Variants in DOCK9 observed in about 807,000 individuals in gnomAD.
DOCK9 encodes the protein dedicator of cytokinesis protein 9.
DOCK9 carries 89 observed loss-of-function variants against 263.3 expected under a neutral mutation model. The ratio of observed to expected loss-of-function variants is 0.34; its 90% CI spans 0.28 to 0.40. The LOEUF is 0.40. Ranked by LOEUF, DOCK9 falls within the 10% of genes least tolerant of loss-of-function variation. The probability of loss-of-function intolerance (pLI) is 1.00; values close to 1 mark genes in which losing one functional copy is unlikely to be tolerated. For missense variants in DOCK9, 2,140 were observed against 2,603.4 expected, an observed-to-expected ratio of 0.82 and a Z score of 3.87; for synonymous variants, 976 against 973.1, an observed-to-expected ratio of 1.00 and a Z score of -0.06.
intron 36 of DOCK9, 76 bp from the exon 37 acceptor site, chr13:98,848,715 A>G (rs758325459): frequency 1.1e-5 from 15 of 1,405,044 alleles, no homozygotes; most frequent in South Asian, 2.5e-5. Flanking sequence ...TCTGTTAACA[A>G]TAACAAATTC....
chr13:98,980,451 C>A (rs188115867), upstream of DOCK9, among the ~76,000 whole-genome samples: 1 of 152,220 alleles, frequency 6.6e-6, no homozygotes, highest in Admixed American at 6.5e-5. Context: ...AGTGTACACA[C>A]GCTTAACCAT....
At chr13:98,887,658 TAACTC>T (rs1282369411) in intron 18 of DOCK9, among the ~76,000 whole-genome samples, 1 of 131,876 alleles carries the variant, frequency 7.6e-6, no homozygotes, top group Non-Finnish European at 1.6e-5. Flanking sequence ...TAATAATACT[TAACTC>T]AAAAGACTAC....
At chr13:98,865,649 TCACTACACAGC>T (rs2094000282) in intron 30 of DOCK9, among the ~76,000 whole-genome samples, 1 of 152,170 alleles carries the variant, frequency 6.6e-6, no homozygotes, top group African/African-American at 2.4e-5. Flanking sequence ...CAGCACACAT[TCACTACACAGC>T]CACTGGGCAA....
At chr13:99,019,246 T>A (rs375924974) in intron 1 of DOCK9, among the ~76,000 whole-genome samples, 2 of 152,162 alleles carry the variant, frequency 1.3e-5, no homozygotes, top group African/African-American at 4.8e-5. Context: ...TATGGGGTCA[T>A]TGCTAGCGGG....
At chr13:98,985,087 TG>T (rs1309975108) in intron 1 of DOCK9, among the ~76,000 whole-genome samples, 6 of 3,642 alleles carry the variant, frequency 1.6e-3, no homozygotes, top group Admixed American at 2.9e-3. Context: ...GGTGGGCAGT[TG>T]GGGGGGTGGG....
intron 34 of DOCK9, among the ~76,000 whole-genome samples, chr13:98,855,471 C>G (rs565802003): frequency 3.3e-5 from 5 of 152,140 alleles, no homozygotes; most frequent in Non-Finnish European, 5.9e-5. Context: ...GCTGGGGAGG[C>G]TGAGGCAGAG....
chr13:98,842,042 A>G (rs1322848469), intron 38 of DOCK9, among the ~76,000 whole-genome samples: 1 of 152,226 alleles, frequency 6.6e-6, no homozygotes, highest in African/African-American at 2.4e-5. Context: ...ACTTTTGGAA[A>G]ATATTTTAAC....
intron 2 of DOCK9, among the ~76,000 whole-genome samples, chr13:98,938,526 G>T (rs2055279039): frequency 6.6e-6 from 1 of 152,022 alleles, no homozygotes; most frequent in Admixed American, 6.5e-5. Context: ...CCAGAAAAAA[G>T]AAAAAAGATG....
At chr13:99,008,208 CTCTCTATATA>C (rs1399298514) in intron 1 of DOCK9, among the ~76,000 whole-genome samples, 6 of 72,774 alleles carry the variant, frequency 8.2e-5, no homozygotes, top group African/African-American at 1.8e-4. Context: ...CTCTCTCTCT[CTCTCTATATA>C]TATATATATA....
At chr13:98,932,229 T>C (rs1595436057) in intron 2 of DOCK9, among the ~76,000 whole-genome samples, 1 of 151,798 alleles carries the variant, frequency 6.6e-6, no homozygotes, top group African/African-American at 2.4e-5. Flanking sequence ...CCCGTCTCTA[T>C]TAAAAATACA....
chr13:98,930,314 C>T, intron 2 of DOCK9, 57 bp from the exon 3 acceptor site: 1 of 1,457,782 alleles, frequency 6.9e-7, no homozygotes, highest in Non-Finnish European at 9.5e-7. Context: ...AGGTGCCAGC[C>T]TCAGAGTGCA....
At chr13:98,985,955 G>T (rs1458794086) in intron 1 of DOCK9, among the ~76,000 whole-genome samples, 2 of 152,228 alleles carry the variant, frequency 1.3e-5, no homozygotes, top group African/African-American at 4.8e-5. Flanking sequence ...TCACAAGCTA[G>T]AATTTTCTCA....
intron 1 of DOCK9, among the ~76,000 whole-genome samples, chr13:99,079,787 C>G (rs2042054097): frequency 6.6e-6 from 1 of 152,018 alleles, no homozygotes. Context: ...TGCCTGTAAT[C>G]CCTGCACTTT....
At chr13:99,005,877 C>T (rs1883250322) in intron 1 of DOCK9, among the ~76,000 whole-genome samples, 1 of 143,410 alleles carries the variant, frequency 7.0e-6, no homozygotes, top group Non-Finnish European at 1.5e-5. Flanking sequence ...TTTACAAAAA[C>T]AGACAGCAGG....
At chr13:98,804,741 C>T (rs1224645051) in intron 49 of DOCK9, among the ~76,000 whole-genome samples, 1 of 152,222 alleles carries the variant, frequency 6.6e-6, no homozygotes, top group Non-Finnish European at 1.5e-5. Context: ...CCATTTTCAT[C>T]AGATTCTCAG....
chr13:98,969,588 A>G (rs995385641), intron 1 of DOCK9, among the ~76,000 whole-genome samples: 4 of 152,234 alleles, frequency 2.6e-5, no homozygotes, highest in African/African-American at 7.2e-5. Context: ...CTTCACTACA[A>G]TAAAGCGGGA....
intron 35 of DOCK9, among the ~76,000 whole-genome samples, chr13:98,850,345 C>T (rs2296991): frequency 0.14 from 20,963 of 152,140 alleles, 1,615 homozygotes; most frequent in South Asian, 0.22. Flanking sequence ...TTCCATCATA[C>T]GTCATTTAGT....
At chr13:99,059,251 G>C (rs2041072102) in intron 1 of DOCK9, among the ~76,000 whole-genome samples, 1 of 152,168 alleles carries the variant, frequency 6.6e-6, no homozygotes, top group Admixed American at 6.5e-5. Context: ...CCTGAGCTCT[G>C]TATCAGCTGC....
chr13:98,817,575 G>T (rs1455623931), intron 45 of DOCK9, among the ~76,000 whole-genome samples: 1 of 149,568 alleles, frequency 6.7e-6, no homozygotes, highest in Non-Finnish European at 1.5e-5. Context: ...TTACAGGTGT[G>T]AGCCACCACA....
Sources: gnomAD v4.1 joint callset for allele counts (sites outside exome capture counted in the v4.1 genomes callset) on GRCh38, gnomAD v4.1.1 for gene constraint, MANE v1.5 for transcripts, NCBI Gene and HGNC (gene_info 2026-07-23, HGNC 2026-07-21) for gene names.